SSBP2: variants seen among roughly 807,000 people sequenced by gnomAD.
The protein encoded by SSBP2 is single stranded DNA binding protein 2.
Under a neutral mutation model 61.8 loss-of-function variants are expected in SSBP2, and 17 were observed. That is an observed-to-expected ratio of 0.28 (90% CI 0.19 to 0.41). The LOEUF (loss-of-function observed/expected upper bound fraction) is 0.41, where lower values mean the gene tolerates loss of function less well. SSBP2 is among the 10% of genes least tolerant of loss of function. The pLI is 1.00. For synonymous variants in SSBP2, 139 were observed against 141.3 expected (o/e 0.98, Z 0.12); for missense variants, 310 against 458.7 (o/e 0.68, Z 2.96).
At chr5:81,493,282 ATAGATAGATAG>A (rs1767014641) in intron 5 of SSBP2, among the ~76,000 whole-genome samples, 2 of 151,884 alleles carry the variant, frequency 1.3e-5, no homozygotes, top group South Asian at 2.1e-4. Context: ...AGATAGATAG[ATAGATAGATAG>A]ATAGATAGAT....
intron 1 of SSBP2, among the ~76,000 whole-genome samples, chr5:81,727,347 C>T (rs576037784): frequency 1.3e-5 from 2 of 152,198 alleles, no homozygotes; most frequent in South Asian, 2.1e-4. Flanking sequence ...GTCAGGAGTT[C>T]GAGACCAGCC....
At chr5:81,567,567 G>A (rs561444334) in intron 4 of SSBP2, among the ~76,000 whole-genome samples, 3 of 152,288 alleles carry the variant, frequency 2.0e-5, no homozygotes, top group African/African-American at 4.8e-5. Context: ...GATTCCCCCA[G>A]ACAGTCTCTA....
intron 3 of SSBP2, among the ~76,000 whole-genome samples, chr5:81,636,236 C>T (rs112098424): frequency 8.1e-4 from 124 of 152,282 alleles, no homozygotes; most frequent in African/African-American, 2.8e-3. Context: ...CTTCTAGCCT[C>T]TAGAATTGTG....
chr5:81,522,159 G>A (rs1037755758), intron 4 of SSBP2, among the ~76,000 whole-genome samples: 3 of 151,916 alleles, frequency 2.0e-5, no homozygotes, highest in Non-Finnish European at 4.4e-5. Context: ...AATATAATGC[G>A]TAAATTGCAG....
chr5:81,569,752 A>G lies in SSBP2; in HGVS notation c.282+45721T>C, dbSNP rs56749084. On this transcript the variant is annotated intron_variant, in intron 4 of 16. Coordinates refer to ENST00000320672, the MANE Select transcript of SSBP2 (RefSeq NM_012446.5). Reference sequence around the variant, plus strand: ...TTTTTGCTGGCAGGTTTTAAAAAAAATCTTCTCACAGGTAGCTGGAATAAC... The same window carrying G: ...TTTTTGCTGGCAGGTTTTAAAAAAAGTCTTCTCACAGGTAGCTGGAATAAC... Among the ~76,000 whole-genome samples the G allele has an allele frequency of 7.4e-3, 1,129 of 152,330 alleles. 10 individuals are homozygous for G. Among genetic ancestry groups the G allele is most frequent in the African/African-American group, 0.025 (1,036 of 41,568 alleles).
chr5:81,500,341 G>A (rs1194934153), intron 5 of SSBP2, among the ~76,000 whole-genome samples: 1 of 152,032 alleles, frequency 6.6e-6, no homozygotes, highest in African/African-American at 2.4e-5. Context: ...AGCCTCCCAA[G>A]TAGCTGGGAC....
At chr5:81,590,148 T>C (rs1362596699) in intron 4 of SSBP2, among the ~76,000 whole-genome samples, 1 of 151,892 alleles carries the variant, frequency 6.6e-6, no homozygotes, top group Non-Finnish European at 1.5e-5. Context: ...ATGTCTGAAG[T>C]GGGGAGGGGT....
intron 1 of SSBP2, among the ~76,000 whole-genome samples, chr5:81,672,086 A>C (rs925407469): frequency 1.7e-4 from 26 of 152,144 alleles, no homozygotes; most frequent in Admixed American, 1.4e-3. Flanking sequence ...GCTCCATTAT[A>C]TTATTTTTAC....
chr5:81,467,548 C>T (rs1307456614), intron 8 of SSBP2, among the ~76,000 whole-genome samples: 1 of 151,900 alleles, frequency 6.6e-6, no homozygotes, highest in Non-Finnish European at 1.5e-5. Context: ...TATACAAATA[C>T]ACAAAAAGTA....
chr5:81,664,914 G>A (rs1250749247), intron 1 of SSBP2, among the ~76,000 whole-genome samples: 2 of 152,150 alleles, frequency 1.3e-5, no homozygotes, highest in African/African-American at 2.4e-5. Flanking sequence ...CTGTTCCACT[G>A]CTCTATGTGT....
At chr5:81,732,198 AT>A (rs1333105579) in intron 1 of SSBP2, among the ~76,000 whole-genome samples, 1 of 152,176 alleles carries the variant, frequency 6.6e-6, no homozygotes. Context: ...CTGTTTCTTC[AT>A]TTTTAAAAAA....
rs57085627 is a variant in SSBP2, at chr5:81,457,213, GT to G, written c.687+3841del. Among the ~76,000 whole-genome samples the G allele has an allele frequency of 6.5e-3, 987 of 152,162 alleles. 11 individuals carry two copies. The highest frequency in any genetic ancestry group is 0.022 in the African/African-American group (931 of 41,534). ...GAGAAAAATGGGGACATGTTAAAAGGTTAAGTGATCCCACTTAAAGGGGAAA... is the reference window on the plus strand; with the variant it reads ...GAGAAAAATGGGGACATGTTAAAAGGTAAGTGATCCCACTTAAAGGGGAAA... On this transcript the variant is annotated intron_variant, in intron 10 of 16. Coordinates refer to ENST00000320672, the MANE Select transcript of SSBP2 (RefSeq NM_012446.5).
chr5:81,735,599 A>G (rs1756545374), intron 1 of SSBP2, among the ~76,000 whole-genome samples: 1 of 152,244 alleles, frequency 6.6e-6, no homozygotes, highest in Admixed American at 6.5e-5. Flanking sequence ...TGATCAGTGA[A>G]TATGCAACCA....
intron 15 of SSBP2, among the ~76,000 whole-genome samples, chr5:81,433,069 G>A (rs935625702): frequency 1.3e-4 from 19 of 151,984 alleles, no homozygotes; most frequent in Non-Finnish European, 5.9e-5. Context: ...GGGAAGTGAG[G>A]AGCCCCTCTG....
rs536445931 is a variant in SSBP2, at chr5:81,452,822, A to T, written c.688-3997T>A. The stretch of plus-strand genomic sequence containing the variant: ...AAACTTTTAGAAATGCAGGTCTAGA[A>T]TGTATCAGAGACCAGGACTAAGGAT... On this transcript the variant is annotated intron_variant, in intron 10 of 16. Transcript: ENST00000320672. Among the ~76,000 whole-genome samples, 3 of 152,280 alleles carry T rather than the reference A, an allele frequency of 2.0e-5. No individual in the cohort carries two copies. The South Asian group carries it at 6.2e-4, about 32-fold the overall frequency.
In SSBP2 at chr5:81,474,480, A is replaced by G. The variant is rs2154024259; in HGVS notation, c.499+16T>C. The stretch of plus-strand genomic sequence containing the variant: ...GGTTCTGCACATCAATTTTCCTTTT[A>G]CTTTAGAGTAGTCACCTTGTTGTCG... On this transcript the variant is annotated intron_variant, in intron 7 of 16. Coordinates refer to ENST00000320672, the MANE Select transcript of SSBP2 (RefSeq NM_012446.5). 1 of 1,610,488 alleles carries G rather than the reference A, an allele frequency of 6.2e-7. No individual in the cohort carries two copies. Among genetic ancestry groups the G allele is most frequent in the East Asian group, 2.2e-5 (1 of 44,660 alleles).
At chr5:81,443,352 A>C (rs1345409478) in intron 12 of SSBP2, 1 of 152,164 alleles carries the variant, frequency 6.6e-6, no homozygotes, top group Non-Finnish European at 1.5e-5. Flanking sequence ...ATCCATATAA[A>C]TATATGTAAC....
At chr5:81,426,052 CAAT>C (rs1376888150) in intron 16 of SSBP2, among the ~76,000 whole-genome samples, 1 of 152,138 alleles carries the variant, frequency 6.6e-6, no homozygotes, top group Non-Finnish European at 1.5e-5. Context: ...ATTTATTGAA[CAAT>C]GTTTTCTTTT....
At chr5:81,667,809 C>A (rs1751273546) in intron 1 of SSBP2, among the ~76,000 whole-genome samples, 1 of 152,024 alleles carries the variant, frequency 6.6e-6, no homozygotes, top group South Asian at 2.1e-4. Flanking sequence ...AATTTTGTCA[C>A]CATATTTTCT....
Sources: allele counts gnomAD v4.1 joint callset (sites outside exome capture counted in the v4.1 genomes callset), GRCh38; gene constraint gnomAD v4.1.1; transcripts MANE v1.5; gene names NCBI Gene and HGNC (gene_info 2026-07-23, HGNC 2026-07-21).